Variants in PTPRD observed in about 807,000 individuals in gnomAD.
PTPRD encodes the protein protein tyrosine phosphatase receptor type D, also known as receptor-type tyrosine-protein phosphatase delta.
PTPRD carries 34 observed loss-of-function variants against 214.5 expected under a neutral mutation model. The observed-to-expected ratio is 0.16, with a 90% confidence interval of 0.12 to 0.21. The LOEUF is 0.21. Ranked by LOEUF, PTPRD falls within the 10% of genes least tolerant of loss-of-function variation. PTPRD has a pLI of 1.00. For missense variants in PTPRD, 2,545 were observed against 2,398.7 expected (o/e 1.06, Z -1.27); for synonymous variants, 1,128 against 845.7 (o/e 1.33, Z -5.79).
At chr9:9,008,530 C>T (rs1004430830) in intron 11 of PTPRD, among the ~76,000 whole-genome samples, 127 of 152,008 alleles carry the variant, frequency 8.4e-4, no homozygotes, top group African/African-American at 3.0e-3. Flanking sequence ...CCGGCCTCCC[C>T]TTCATTATTT....
rs1427861073 is a variant in PTPRD at position 10,612,490 on chromosome 9, A to C, written c.-692T>G. The C allele has an allele frequency of 6.6e-6, 1 of 152,222 alleles. No individual in the cohort carries two copies. The highest frequency in any genetic ancestry group is 1.5e-5 in the Non-Finnish European group (1 of 68,100). The allele number at this position is 152,222 out of a possible 1,614,324, so 9.4% of individuals were successfully genotyped here. ...ATAAAGAATTGTCTTTCTATTCCAC[A>C]CAGGCCCAGAATAAACTGCAAAAAG... On this transcript the variant is annotated 5_prime_UTR_variant, in exon 2 of 46. Coordinates refer to ENST00000381196, the MANE Select transcript of PTPRD (RefSeq NM_002839.4).
chr9:9,852,632 ATT>A (rs1565772761), intron 5 of PTPRD, among the ~76,000 whole-genome samples: 1 of 152,254 alleles, frequency 6.6e-6, no homozygotes, highest in Middle Eastern at 3.4e-3. Flanking sequence ...AATCCTTTAT[ATT>A]GTCTTTATAA....
chr9:9,430,929 A>G lies in PTPRD; in HGVS notation c.-236-33447T>C, dbSNP rs1323975998. Among the ~76,000 whole-genome samples the G allele has an allele frequency of 3.9e-5, 6 of 152,362 alleles. 1 individual carries two copies. Among genetic ancestry groups the G allele is most frequent in the African/African-American group, 1.4e-4 (6 of 41,586 alleles). Reference sequence around the variant, plus strand: ...AAGATGGATTAAAGACTTAAATTTCAGACCTAAAACCATAAAAATCTTAGA... The same window carrying G: ...AAGATGGATTAAAGACTTAAATTTCGGACCTAAAACCATAAAAATCTTAGA... On this transcript the variant is annotated intron_variant, in intron 8 of 45. Coordinates refer to ENST00000381196, the MANE Select transcript of PTPRD (RefSeq NM_002839.4).
At chr9:10,057,833 C>A (rs1240234822) in intron 3 of PTPRD, among the ~76,000 whole-genome samples, 2 of 143,230 alleles carry the variant, frequency 1.4e-5, no homozygotes, top group Non-Finnish European at 3.0e-5. Flanking sequence ...CAGAGTGAGA[C>A]TCCGTCTCAA....
chr9:9,094,204 C>T (rs953934532), intron 10 of PTPRD, among the ~76,000 whole-genome samples: 2 of 152,068 alleles, frequency 1.3e-5, no homozygotes, highest in African/African-American at 2.4e-5. Flanking sequence ...AAAGTCATTA[C>T]GTGAGAAAGA....
chr9:9,215,110 T>C (rs1257799799), intron 9 of PTPRD, among the ~76,000 whole-genome samples: 2 of 152,208 alleles, frequency 1.3e-5, no homozygotes, highest in Non-Finnish European at 2.9e-5. Flanking sequence ...ATTTGTGTGT[T>C]AACAAGTTCA....
At chr9:9,844,407 G>T (rs1008238501) in intron 5 of PTPRD, among the ~76,000 whole-genome samples, 1 of 151,912 alleles carries the variant, frequency 6.6e-6, no homozygotes, top group African/African-American at 2.4e-5. Context: ...CAAACTCAAA[G>T]AAACAGAGTA....
At chr9:10,289,027 T>G (rs970985381) in intron 3 of PTPRD, among the ~76,000 whole-genome samples, 27 of 151,672 alleles carry the variant, frequency 1.8e-4, no homozygotes, top group Admixed American at 1.3e-3. Context: ...TGGAGAGTTT[T>G]TTTTTTTTTT....
At chr9:10,607,883 A>G (rs192841482) in intron 2 of PTPRD, among the ~76,000 whole-genome samples, 316 of 152,084 alleles carry the variant, frequency 2.1e-3, no homozygotes, top group African/African-American at 7.3e-3. Context: ...TACAAGATCA[A>G]TGAAACTATT....
At chr9:9,765,925 G>C (rs915601417) in intron 6 of PTPRD, among the ~76,000 whole-genome samples, 1 of 152,260 alleles carries the variant, frequency 6.6e-6, no homozygotes, top group South Asian at 2.1e-4. Context: ...GCCTCCCAAA[G>C]TGCTGGGATT....
At chr9:10,002,232 AAT>A (rs2096339249) in intron 4 of PTPRD, among the ~76,000 whole-genome samples, 1 of 149,996 alleles carries the variant, frequency 6.7e-6, no homozygotes, top group South Asian at 2.1e-4. Flanking sequence ...AAAAAAGAGC[AAT>A]ATTAAAGAAA....
chr9:8,616,437 A>G (rs1432522874), intron 14 of PTPRD, among the ~76,000 whole-genome samples: 3 of 152,096 alleles, frequency 2.0e-5, no homozygotes, highest in African/African-American at 4.8e-5. Context: ...TGTCTTCATA[A>G]AATTTCAAAG....
At chr9:8,612,410 G>A (rs2095482553) in intron 14 of PTPRD, among the ~76,000 whole-genome samples, 1 of 152,184 alleles carries the variant, frequency 6.6e-6, no homozygotes, top group Non-Finnish European at 1.5e-5. Flanking sequence ...ACTGGCAGCT[G>A]TACCTGAATT....
At chr9:10,280,030 T>C (rs374210993) in intron 3 of PTPRD, among the ~76,000 whole-genome samples, 17 of 152,202 alleles carry the variant, frequency 1.1e-4, no homozygotes, top group African/African-American at 3.9e-4. Flanking sequence ...ATGAGAATGA[T>C]ACTACATTCT....
chr9:9,577,024 T>C (rs9408772), intron 7 of PTPRD, among the ~76,000 whole-genome samples: 47,930 of 151,954 alleles, frequency 0.32, 7,847 homozygotes, highest in Non-Finnish European at 0.35. Flanking sequence ...TTTGTATTAC[T>C]GACGTTGTTA....
intron 11 of PTPRD, among the ~76,000 whole-genome samples, chr9:8,990,693 A>G (rs565091992): frequency 6.6e-6 from 1 of 152,290 alleles, no homozygotes; most frequent in South Asian, 2.1e-4. Context: ...GGAGATGGCC[A>G]TAAAGAAATT....
At chr9:8,771,140 C>A (rs1227575667) in intron 11 of PTPRD, among the ~76,000 whole-genome samples, 1 of 149,280 alleles carries the variant, frequency 6.7e-6, no homozygotes, top group Non-Finnish European at 1.5e-5. Flanking sequence ...GAGATCACAC[C>A]ACTGCACTCC....
intron 5 of PTPRD, among the ~76,000 whole-genome samples, chr9:9,832,591 T>C (rs1469443691): frequency 6.6e-6 from 1 of 151,942 alleles, no homozygotes; most frequent in Non-Finnish European, 1.5e-5. Context: ...CTAGGGTAAT[T>C]TAGGTTTGGG....
At chr9:9,140,752 G>A (rs537768085) in intron 10 of PTPRD, among the ~76,000 whole-genome samples, 1 of 152,194 alleles carries the variant, frequency 6.6e-6, no homozygotes, top group East Asian at 1.9e-4. Flanking sequence ...CTAATTTTTT[G>A]TGTTTTTAGT....
Sources: allele counts gnomAD v4.1 joint callset (sites outside exome capture counted in the v4.1 genomes callset), GRCh38; gene constraint gnomAD v4.1.1; transcripts MANE v1.5; gene names NCBI Gene and HGNC (gene_info 2026-07-23, HGNC 2026-07-21).